TXLNG: variants seen among roughly 807,000 people sequenced by gnomAD.
TXLNG encodes the protein gamma-taxilin.
Under a neutral mutation model 38.8 loss-of-function variants are expected in TXLNG, and 5 were observed. That is an observed-to-expected ratio of 0.13 (90% confidence interval 0.07 to 0.27). The LOEUF is 0.27. Among genes scored for constraint, TXLNG ranks in the 10% least tolerant of loss-of-function variants. The pLI is 1.00. For synonymous variants in TXLNG, 182 were observed against 158.2 expected, an observed-to-expected ratio of 1.15 and a Z score of -1.13; for missense variants, 393 against 398.2, an observed-to-expected ratio of 0.99 and a Z score of 0.11.
At chrX:16,796,788 T>TCCAGAC (rs1927904487) in intron 1 of TXLNG, among the ~76,000 whole-genome samples, 1 of 110,778 alleles carries the variant, frequency 9.0e-6, no homozygotes, top group Non-Finnish European at 1.9e-5. Flanking sequence ...CTGGTCATGG[T>TCCAGAC]TTGACAGAGC....
In TXLNG at chrX:16,829,557, A is replaced by T; in HGVS notation, c.670-19A>T. On this transcript the variant is annotated intron_variant, in intron 4 of 9. Transcript: ENST00000380122. ...TCTATAGGTCTGTATTATTAACAAA[A>T]ATTATTTTGGGTAATAAGGAGGAAA... 1 of 1,203,792 alleles carries T rather than the reference A, an allele frequency of 8.3e-7. No homozygotes were observed. The highest frequency in any genetic ancestry group is 1.1e-6 in the Non-Finnish European group (1 of 891,119).
At chrX:16,831,955 A>C (rs1929427088) in intron 5 of TXLNG, among the ~76,000 whole-genome samples, 1 of 112,357 alleles carries the variant, frequency 8.9e-6, no homozygotes, top group Non-Finnish European at 1.9e-5. Flanking sequence ...ATACATCAGT[A>C]ACCACTTAAC....
At chrX:16,835,599 A>G (rs1929561431) in intron 7 of TXLNG, among the ~76,000 whole-genome samples, 1 of 111,843 alleles carries the variant, frequency 8.9e-6, no homozygotes, top group Non-Finnish European at 1.9e-5. Context: ...AAGTCACCAG[A>G]GGGCCCTTTT....
intron 5 of TXLNG, among the ~76,000 whole-genome samples, chrX:16,831,130 A>G (rs1421258278): frequency 8.9e-6 from 1 of 112,136 alleles, no homozygotes; most frequent in Non-Finnish European, 1.9e-5. Context: ...TACCAGTTTC[A>G]TACCTAAAAA....
At chrX:16,801,027 C>T (rs1274931618) in intron 1 of TXLNG, among the ~76,000 whole-genome samples, 4 of 112,219 alleles carry the variant, frequency 3.6e-5, no homozygotes, top group African/African-American at 9.7e-5. Flanking sequence ...CTTCTGCTCT[C>T]GCTGTGTGGC....
At chrX:16,794,923 A>G (rs1386884949) in intron 1 of TXLNG, among the ~76,000 whole-genome samples, 2 of 111,952 alleles carry the variant, frequency 1.8e-5, no homozygotes, top group Admixed American at 9.6e-5. Flanking sequence ...TCATTGAGTT[A>G]CAGTTTTAGA....
At chrX:16,836,915 C>A (rs868866566) in intron 7 of TXLNG, among the ~76,000 whole-genome samples, 8 of 111,441 alleles carry the variant, frequency 7.2e-5, no homozygotes, top group African/African-American at 2.0e-4. Context: ...CAGCTCAGGC[C>A]TCCCACATGA....
intron 1 of TXLNG, among the ~76,000 whole-genome samples, chrX:16,808,977 A>G (rs1400213651): frequency 8.9e-6 from 1 of 112,016 alleles, no homozygotes; most frequent in Non-Finnish European, 1.9e-5. Context: ...TTTCAAAGCT[A>G]CTGCAAAGTT....
At position 16,841,600 on chromosome X, in the gene TXLNG, C is replaced by T. The variant is rs1486329857; in HGVS notation, c.1421C>T (p.Thr474Ile). The change falls in exon 10 of 10, where the codon ACA becomes ATA. Residue 474 changes from threonine (T) to isoleucine (I), a missense_variant. By Grantham distance (89) the Thr-to-Ile change is moderately conservative. Coordinates refer to ENST00000380122, the MANE Select transcript of TXLNG (RefSeq NM_018360.3). ...AAAGCGGCGAACAGGGATTTAGCAA[C>T]ACCTGTGATGCAGCCCTGTACTGCC... is the stretch of plus-strand genomic sequence containing the variant. Reference protein sequence around the residue: ...AIKAANRDLATPVMQPCTALD... With the variant: ...AIKAANRDLAIPVMQPCTALD... 1 of 1,211,548 alleles carries T rather than the reference C, an allele frequency of 8.3e-7. No homozygotes were observed. The highest frequency in any genetic ancestry group is 1.7e-5 in the African/African-American group (1 of 57,691).
In TXLNG at chrX:16,834,306, G is replaced by A. The variant is rs182238854; in HGVS notation, c.1008G>A (p.Ser336=). Residue 336 remains serine (S), a synonymous_variant, in exon 7 of 10, where the codon TCG becomes TCA. Coordinates refer to ENST00000380122, the MANE Select transcript of TXLNG (RefSeq NM_018360.3). ...REFLLKEATE[S]RHKYEQMKQQ... is the part of the protein sequence containing the mutation. ...AGTTATTAAAAGAAGCGACAGAATC[G>A]AGGCACAAATACGAACAAATGAAAC... 1.1e-4 allele frequency: 138 copies of A among 1,207,166 alleles called. No individual in the cohort carries two copies. The highest frequency in any genetic ancestry group is 9.2e-4 in the Middle Eastern group (4 of 4,347).
chrX:16,840,315 C>A, intron 9 of TXLNG: 1 of 314,550 alleles, frequency 3.2e-6, no homozygotes, highest in Non-Finnish European at 4.2e-6. Flanking sequence ...GGGGCGGAGG[C>A]AGATAATCCG....
In TXLNG at chrX:16,801,618, T is replaced by G. The variant is rs538947227; in HGVS notation, c.102+15029T>G. Among the ~76,000 whole-genome samples, 4 of 109,999 alleles carry G rather than the reference T, an allele frequency of 3.6e-5. No individual in the cohort carries two copies. In the South Asian group the frequency reaches 1.5e-3, roughly 41 times the overall value. ...CCCTTTACTCAGTGGTCAACTGATT[T>G]ATTTAAAGGCAACCTACCTTTCTCC... On this transcript the variant is annotated intron_variant, in intron 1 of 9. Coordinates refer to ENST00000380122, the MANE Select transcript of TXLNG (RefSeq NM_018360.3).
rs1569270980 is a variant in TXLNG at position 16,829,748 on chromosome X, A to G, written c.842A>G (p.Glu281Gly). Reference protein sequence around the residue: ...ELGEKLKKLIEQYALREEHID... With the variant: ...ELGEKLKKLIGQYALREEHID... ...GGGGAGAAGCTAAAGAAGCTCATCG[A>G]ACAGTACGCACTGAGGGAAGAGGTA... is the stretch of plus-strand genomic sequence containing the variant. The change falls in exon 5 of 10, where the codon GAA (glutamate) becomes GGA (glycine). Residue 281 changes from glutamate to glycine, a missense_variant. Coordinates refer to ENST00000380122, the MANE Select transcript of TXLNG (RefSeq NM_018360.3). 8.3e-7 allele frequency: 1 copy of G among 1,211,939 alleles called. No homozygotes were observed. Among genetic ancestry groups the G allele is most frequent in the East Asian group, 3.0e-5 (1 of 33,868 alleles).
intron 6 of TXLNG, 84 bp downstream of exon 6, chrX:16,832,826 C>T: frequency 1.8e-6 from 2 of 1,085,775 alleles, no homozygotes; most frequent in South Asian, 2.2e-5. Context: ...TAACCAAGGC[C>T]GTTTGAAACA....
intron 1 of TXLNG, among the ~76,000 whole-genome samples, chrX:16,811,194 C>CA (rs1402222581): frequency 1.8e-5 from 2 of 110,958 alleles, no homozygotes; most frequent in Non-Finnish European, 3.8e-5. Context: ...TCTGGAAAGA[C>CA]AAAAAAATCG....
intron 3 of TXLNG, among the ~76,000 whole-genome samples, chrX:16,821,453 C>G (rs1229616518): frequency 8.9e-6 from 1 of 111,929 alleles, no homozygotes; most frequent in African/African-American, 3.2e-5. Flanking sequence ...AGGGCAGTTT[C>G]AACTTGGAAA....
At chrX:16,825,743 C>T (rs1225943488) in intron 3 of TXLNG, among the ~76,000 whole-genome samples, 1 of 111,824 alleles carries the variant, frequency 8.9e-6, no homozygotes, top group East Asian at 2.8e-4. Context: ...TTTTACACTG[C>T]CCACAAGAAT....
At position 16,842,906 on chromosome X, in the gene TXLNG, T is replaced by C. The variant is rs1929912872; in HGVS notation, c.*1140T>C. 8.9e-6 allele frequency: 1 copy of C among 112,182 alleles called. No homozygotes were observed. The highest frequency in any genetic ancestry group is 9.5e-5 in the Admixed American group (1 of 10,566). 9.2% of individuals were successfully genotyped at this position (112,182 alleles called of 1,213,427 possible). A position where few individuals can be genotyped will look rare whatever the true frequency, so the allele number is the denominator to read the frequency against. ...ACCCCCTTCTTAGTTACCATCTCTTTTTTAAGAAGAAAAAAGAAAAGCCAC... is the reference window on the plus strand; with the variant it reads ...ACCCCCTTCTTAGTTACCATCTCTTCTTTAAGAAGAAAAAAGAAAAGCCAC... On this transcript the variant is annotated 3_prime_UTR_variant, in exon 10 of 10. Transcript: ENST00000380122.
intron 1 of TXLNG, among the ~76,000 whole-genome samples, chrX:16,811,813 G>GCTT (rs1392940662): frequency 9.6e-6 from 1 of 104,247 alleles, no homozygotes; most frequent in African/African-American, 3.5e-5. Flanking sequence ...TAATTTTTAT[G>GCTT]TTTTTAGTAG....
Sources: allele counts gnomAD v4.1 joint callset (sites outside exome capture counted in the v4.1 genomes callset), GRCh38; gene constraint gnomAD v4.1.1; transcripts MANE v1.5; gene names NCBI Gene and HGNC (gene_info 2026-07-23, HGNC 2026-07-21).